OGG1: variants seen among roughly 807,000 people sequenced by gnomAD.
OGG1 encodes N-glycosylase/DNA lyase.
A neutral mutation model predicts 42.3 loss-of-function variants in OGG1; 35 were observed. The ratio of observed to expected loss-of-function variants is 0.83; its 90% CI spans 0.63 to 1.10. The LOEUF (loss-of-function observed/expected upper bound fraction) is 1.10, where lower values mean the gene tolerates loss of function less well. Among genes scored for constraint, OGG1 ranks in the 50% least tolerant of loss-of-function variants. The probability of loss-of-function intolerance (pLI) is 0.00; values close to 1 mark genes in which losing one functional copy is unlikely to be tolerated. For synonymous variants in OGG1, 189 were observed against 179.0 expected (o/e 1.06, Z -0.44); for missense variants, 484 against 446.7 (o/e 1.08, Z -0.75).
At chr3:9,756,289 G>A (rs1292052391) in intron 4 of OGG1, among the ~76,000 whole-genome samples, 182 bp from the exon 5 acceptor site, 3 of 152,148 alleles carry the variant, frequency 2.0e-5, no homozygotes, top group Admixed American at 6.5e-5. Flanking sequence ...GCAACAGAGC[G>A]AGACTCCATC....
chr3:9,776,709 T>C (rs1345024865), intron 2 of OGG1, among the ~76,000 whole-genome samples: 1 of 152,124 alleles, frequency 6.6e-6, no homozygotes, highest in African/African-American at 2.4e-5. Flanking sequence ...TTATTGCTCT[T>C]GCGGCCTAGT....
rs2077224073 is a variant in OGG1 at position 9,750,095 on chromosome 3, G to C, written c.-192G>C. The C allele has an allele frequency of 2.8e-6, 2 of 705,576 alleles. No individual in the cohort carries two copies. The highest frequency in any genetic ancestry group is 1.9e-5 in the South Asian group (1 of 51,556). 43.7% of individuals were successfully genotyped at this position (705,576 alleles called of 1,614,324 possible). A position where few individuals can be genotyped will look rare whatever the true frequency, so the allele number is the denominator to read the frequency against. ...GCCGGAGAATTGGGGCACGAAGCGG[G>C]GCTTTGATGACCCGCAAAGGGCGAG... On this transcript the variant is annotated 5_prime_UTR_variant, in exon 1 of 7. Coordinates refer to ENST00000344629, the MANE Select transcript of OGG1 (RefSeq NM_002542.6).
intron 5 of OGG1, 37 bp downstream of exon 5, chr3:9,756,658 G>T (rs762876364): frequency 6.2e-7 from 1 of 1,612,370 alleles, no homozygotes; most frequent in South Asian, 1.1e-5. Context: ...GCAGTGGGCT[G>T]GGATGGTAGA....
chr3:9,786,671 TG>T (rs2078621293), intron 3 of OGG1, among the ~76,000 whole-genome samples: 1 of 152,058 alleles, frequency 6.6e-6, no homozygotes, highest in African/African-American at 2.4e-5. Flanking sequence ...CAAAAGTAAT[TG>T]TGGAGTAAGG....
chr3:9,781,435 C>T, intron 2 of OGG1: 3 of 440,562 alleles, frequency 6.8e-6, no homozygotes, highest in South Asian at 4.7e-5. Flanking sequence ...AAGATGATCC[C>T]AGGATCCCAC....
At chr3:9,785,917 C>T (rs1313942541) in intron 3 of OGG1, among the ~76,000 whole-genome samples, 1 of 151,782 alleles carries the variant, frequency 6.6e-6, no homozygotes, top group Non-Finnish European at 1.5e-5. Flanking sequence ...AAGTTTCCTT[C>T]ACACACTCCT....
chr3:9,780,666 T>A, intron 2 of OGG1: 1 of 1,101,354 alleles, frequency 9.1e-7, no homozygotes, highest in Non-Finnish European at 1.3e-6. Context: ...GATTGTGTCA[T>A]ACAGTCGTGA....
chr3:9,764,545 C>G (rs1207430742), intron 7 of OGG1, among the ~76,000 whole-genome samples: 2 of 151,168 alleles, frequency 1.3e-5, no homozygotes, highest in East Asian at 2.0e-4. Context: ...CTCCCCACCT[C>G]AGGTGATCTG....
chr3:9,766,489 GAA>G (rs1006026297), exon 8 of OGG1: 2 of 334,104 alleles, frequency 6.0e-6, no homozygotes, highest in Non-Finnish European at 1.1e-5. Flanking sequence ...TCAAAAAAAA[GAA>G]AAAAAAAAGA....
At chr3:9,765,647 G>A (rs2125592889) in intron 7 of OGG1, 1 of 1,240,902 alleles carries the variant, frequency 8.1e-7, no homozygotes, top group Non-Finnish European at 1.1e-6. Context: ...TTTATAAAGG[G>A]GCAATTTAAG....
intron 2 of OGG1, among the ~76,000 whole-genome samples, chr3:9,773,458 G>A (rs1310485922): frequency 1.3e-5 from 2 of 152,072 alleles, no homozygotes; most frequent in South Asian, 2.1e-4. Flanking sequence ...GGAGAATGGC[G>A]TGGACCCGGG....
chr3:9,751,885 A>G lies in OGG1; in HGVS notation c.501A>G (p.Gly167=). The G allele has an allele frequency of 6.2e-7, 1 of 1,614,040 alleles. No homozygotes were observed. Among genetic ancestry groups the G allele is most frequent in the Non-Finnish European group, 8.5e-7 (1 of 1,180,004 alleles). Residue 167 remains glycine, a synonymous_variant, in exon 3 of 7, where the codon GGA becomes GGG. Coordinates refer to ENST00000344629, the MANE Select transcript of OGG1 (RefSeq NM_002542.6). The stretch of plus-strand genomic sequence containing the variant: ...TGGAGCGGCTGTGCCAGGCTTTTGG[A>G]CCTCGGCTCATCCAGCTTGATGATG... ...GMVERLCQAF[G]PRLIQLDDVT...
chr3:9,775,244 A>G (rs1457306032), intron 2 of OGG1, among the ~76,000 whole-genome samples: 1 of 152,184 alleles, frequency 6.6e-6, no homozygotes, highest in Non-Finnish European at 1.5e-5. Context: ...GTCTCAAAAA[A>G]AAACCCCAAA....
chr3:9,756,733 G>C lies in OGG1; in HGVS notation c.899-34G>C, dbSNP rs753038147. The C allele has an allele frequency of 5.0e-6, 8 of 1,614,010 alleles. No individual in the cohort carries two copies. In the East Asian group the frequency reaches 1.8e-4, roughly 36 times the overall value. On this transcript the variant is annotated intron_variant, in intron 5 of 6. Transcript: ENST00000344629. ...CTTCTGTTGATGGGTCACAGAAGGG[G>C]TCAGATAACTTAGTCTCATCACTTC...
rs1483120791 is a variant in OGG1 at position 9,749,969 on chromosome 3, C to T, written c.-318C>T. The stretch of plus-strand genomic sequence containing the variant: ...CTACTTCCGGTGGTGCTGTGGTCTG[C>T]CCCTGGAGAACCCAGAAGAACACAG... On this transcript the variant is annotated 5_prime_UTR_variant, in exon 1 of 7. Coordinates refer to ENST00000344629, the MANE Select transcript of OGG1 (RefSeq NM_002542.6). The T allele has an allele frequency of 5.1e-6, 2 of 389,726 alleles. No individual in the cohort carries two copies. The highest frequency in any genetic ancestry group is 3.9e-5 in the South Asian group (1 of 25,672). The allele number at this position is 389,726 out of a possible 1,614,324, so 24.1% of individuals were successfully genotyped here.
chr3:9,786,053 C>G (rs904129394), intron 3 of OGG1, among the ~76,000 whole-genome samples: 12 of 152,146 alleles, frequency 7.9e-5, no homozygotes, highest in African/African-American at 2.7e-4. Flanking sequence ...ATTCTCCTGC[C>G]TCAGCCTCCC....
chr3:9,760,591 C>T, downstream of OGG1: 1 of 1,556,390 alleles, frequency 6.4e-7, no homozygotes, highest in Non-Finnish European at 8.9e-7. Context: ...GGGAGACCGC[C>T]CCCAAAGCAG....
intron 2 of OGG1, chr3:9,781,364 TAAC>T (rs2078459278): frequency 2.6e-6 from 1 of 390,372 alleles, no homozygotes; most frequent in Non-Finnish European, 5.3e-6. Flanking sequence ...CAGTTAATCC[TAAC>T]AACCCTGCAA....
chr3:9,764,631 T>G (rs1228144528), intron 7 of OGG1, among the ~76,000 whole-genome samples: 24 of 145,544 alleles, frequency 1.6e-4, no homozygotes, highest in African/African-American at 6.0e-4. Context: ...TTTTTTTGTT[T>G]TTTTTTTTTT....
Sources: gnomAD v4.1 joint callset for allele counts (sites outside exome capture counted in the v4.1 genomes callset) on GRCh38, gnomAD v4.1.1 for gene constraint, MANE v1.5 for transcripts, NCBI Gene and HGNC (gene_info 2026-07-23, HGNC 2026-07-21) for gene names.